The following FBXO27 variants were observed in gnomAD, a reference collection of about 807,000 sequenced individuals.
FBXO27 encodes the protein F-box protein 27.
In FBXO27, 28 loss-of-function variants were observed where a neutral mutation model predicts 28.3. That is an observed-to-expected ratio of 0.99 (90% confidence interval 0.73 to 1.36). The LOEUF (loss-of-function observed/expected upper bound fraction) is 1.36, where lower values mean the gene tolerates loss of function less well. Among genes scored for constraint, FBXO27 ranks in the 40% most tolerant of loss-of-function variants. The pLI is 0.00. For missense variants in FBXO27, 388 were observed against 394.1 expected, an observed-to-expected ratio of 0.98 and a Z score of 0.13; for synonymous variants, 175 against 167.3, an observed-to-expected ratio of 1.05 and a Z score of -0.36.
chr19:39,025,852 T>C (rs1341913271), intron 5 of FBXO27, among the ~76,000 whole-genome samples: 1 of 151,958 alleles, frequency 6.6e-6, no homozygotes, highest in African/African-American at 2.4e-5. Flanking sequence ...CTGTCTCTAC[T>C]AAAAATACAA....
intron 4 of FBXO27, chr19:39,030,739 A>C: frequency 2.4e-6 from 1 of 421,186 alleles, no homozygotes; most frequent in Non-Finnish European, 4.4e-6. Context: ...AGTATGTGGG[A>C]CTACAGGTGT....
intron 2 of FBXO27, among the ~76,000 whole-genome samples, chr19:39,008,403 CT>C (rs201539158): frequency 0.02 from 3,055 of 152,226 alleles, 95 homozygotes; most frequent in African/African-American, 0.069. Flanking sequence ...CAAGCATGTG[CT>C]AATGTAACCG....
Position 39,032,203 on chromosome 19 carries a change from G to A in FBXO27, c.25C>T (p.Arg9Trp). The A allele has an allele frequency of 6.8e-7, 1 of 1,468,030 alleles. No individual in the cohort carries two copies. Among genetic ancestry groups the A allele is most frequent in the Non-Finnish European group, 9.0e-7 (1 of 1,115,054 alleles). 90.9% of individuals were successfully genotyped at this position (1,468,030 alleles called of 1,614,324 possible). A position where few individuals can be genotyped will look rare whatever the true frequency, so the allele number is the denominator to read the frequency against. MGASVSRGRAARVPAPEPE... is the reference protein window; with the variant it reads MGASVSRGWAARVPAPEPE... ...TCCGGCGCGGGGACCCGGGCGGCCCGGCCCCTGGAGACCGAGGCGCCCATG... is the reference window on the plus strand; with the variant it reads ...TCCGGCGCGGGGACCCGGGCGGCCCAGCCCCTGGAGACCGAGGCGCCCATG... The change falls in exon 2 of 6, where the codon CGG (arginine) becomes TGG (tryptophan). Residue 9 changes from arginine (R) to tryptophan (W), a missense_variant. Arg to Trp is a moderately radical substitution (Grantham distance 101). Transcript: ENST00000292853. This position sits in a 1 kb window ranked among gnomAD's most constrained non-coding sequence, Gnocchi z 4.7.
chr19:39,013,206 G>T lies in FBXO27; in HGVS notation c.252+1181C>A, dbSNP rs976241645. Among the ~76,000 whole-genome samples the T allele has an allele frequency of 3.3e-5, 5 of 152,126 alleles. No homozygotes were observed. The South Asian group carries it at 1.0e-3, about 31-fold the overall frequency. ...TTGCAACCTACAACTAATCCAGAAA[G>T]TTGAGCACAAGGCAACAGAAATGAG... On this transcript the variant is annotated intron_variant, in intron 2 of 2. Coordinates refer to the FBXO27 transcript ENST00000598394.
chr19:39,030,658 G>T, intron 4 of FBXO27: 6 of 203,294 alleles, frequency 3.0e-5, no homozygotes, highest in South Asian at 2.0e-4. Flanking sequence ...TCACTCTGTC[G>T]TCCAGGCTGG....
chr19:39,014,733 A>AC (rs76910630), intron 1 of FBXO27, among the ~76,000 whole-genome samples: 43,478 of 149,918 alleles, frequency 0.29, 6,891 homozygotes, highest in South Asian at 0.48. Context: ...CTAAAAACAA[A>AC]AAAACAAACA....
At chr19:39,006,330 G>A (rs1414612490) in intron 2 of FBXO27, among the ~76,000 whole-genome samples, 1 of 152,100 alleles carries the variant, frequency 6.6e-6, no homozygotes, top group Non-Finnish European at 1.5e-5. Context: ...GGCCAAGGTA[G>A]GTGGATCACC....
Position 39,027,753 on chromosome 19 carries a change from A to C in FBXO27, c.573-748T>G, listed in dbSNP as rs139089321. On this transcript the variant is annotated intron_variant, in intron 4 of 5. Coordinates refer to ENST00000292853, the MANE Select transcript of FBXO27 (RefSeq NM_178820.5). The stretch of plus-strand genomic sequence containing the variant: ...GGTCTTGAACTCCTGGACTCAGGCG[A>C]TCTTCCTGCCTCCGCCTCCCAAAGT... 8.7e-4 allele frequency among the ~76,000 whole-genome samples: 133 copies of C among 152,066 alleles called. 6 individuals are homozygous for C. In the East Asian group the frequency reaches 0.015, roughly 17 times the overall value.
At chr19:39,017,566 G>A (rs1282770386) in intron 1 of FBXO27, among the ~76,000 whole-genome samples, 2 of 151,392 alleles carry the variant, frequency 1.3e-5, no homozygotes, top group Non-Finnish European at 2.9e-5. Context: ...ATGGTGGCAC[G>A]TGCCTGTAAT....
chr19:39,026,888 G>A lies in FBXO27; in HGVS notation c.690C>T (p.Asn230=). The part of the protein sequence containing the change: ...SAVPDPIPQW[N]NNACLHVTHV... Reference sequence around the variant, plus strand: ...GACTCACGTGAAGGCAGGCATTGTTGTTCCACTGCGGGATGGGATCAGGCA... The same window carrying A: ...GACTCACGTGAAGGCAGGCATTGTTATTCCACTGCGGGATGGGATCAGGCA... The change falls in exon 5 of 6, where the codon AAC becomes AAT. Residue 230 remains asparagine, a synonymous_variant. Transcript: ENST00000292853. 6.2e-7 allele frequency: 1 copy of A among 1,614,202 alleles called. No individual in the cohort carries two copies. The highest frequency in any genetic ancestry group is 8.5e-7 in the Non-Finnish European group (1 of 1,180,048).
downstream of FBXO27, among the ~76,000 whole-genome samples, chr19:39,023,806 G>C (rs1188449891): frequency 2.6e-5 from 4 of 152,000 alleles, no homozygotes; most frequent in Non-Finnish European, 4.4e-5. Flanking sequence ...GTAGAGACAG[G>C]GTTTCACCAT....
intron 4 of FBXO27, among the ~76,000 whole-genome samples, chr19:39,028,911 A>G (rs2072887317): frequency 6.6e-6 from 1 of 151,862 alleles, no homozygotes; most frequent in Non-Finnish European, 1.5e-5. Flanking sequence ...ATTAGCCAGT[A>G]TGCACCTGTA....
chr19:39,025,695 T>C (rs1360796728), intron 5 of FBXO27, 141 bp from the exon 6 acceptor site: 4 of 1,163,982 alleles, frequency 3.4e-6, no homozygotes, highest in African/African-American at 3.1e-5. Flanking sequence ...TAGAATCTTA[T>C]AGAATCTTCC....
intron 2 of FBXO27, 75 bp downstream of exon 2, chr19:39,031,789 C>T: frequency 7.3e-7 from 1 of 1,372,910 alleles, no homozygotes; most frequent in Non-Finnish European, 9.3e-7. Context: ...GGTCCCAGTG[C>T]GGCCCCGCCC....
Position 39,026,999 on chromosome 19 carries a change from T to A in FBXO27, c.579A>T (p.Gly193=). ...RIEICVSDWW[G]ARHDSGCMYR... ...ACATACAGCCGCTGTCGTGTCGGGC[T>A]CCCCACCTGTGGGAGGAAGGAGCCA... is the stretch of plus-strand genomic sequence containing the variant. The change falls in exon 5 of 6, where the codon GGA becomes GGT. Residue 193 remains glycine, a synonymous_variant. Transcript: ENST00000292853. 5 of 1,614,076 alleles carry A rather than the reference T, an allele frequency of 3.1e-6. No individual in the cohort carries two copies. Among genetic ancestry groups the A allele is most frequent in the Non-Finnish European group, 4.2e-6 (5 of 1,180,006 alleles).
At chr19:39,011,703 G>A (rs906657775) in intron 2 of FBXO27, among the ~76,000 whole-genome samples, 1 of 147,212 alleles carries the variant, frequency 6.8e-6, no homozygotes, top group African/African-American at 2.5e-5. Flanking sequence ...CGGGGGAGGG[G>A]GGGTCTCCCT....
chr19:39,012,262 G>A (rs1222134899), intron 2 of FBXO27, among the ~76,000 whole-genome samples: 1 of 145,468 alleles, frequency 6.9e-6, no homozygotes, highest in Non-Finnish European at 1.5e-5. Flanking sequence ...TTTGCTTACC[G>A]CAACCTCAGC....
downstream of FBXO27, among the ~76,000 whole-genome samples, chr19:39,019,424 C>CAAAAAAAAAAAAAAAA (rs566451562): frequency 5.6e-5 from 2 of 35,450 alleles, no homozygotes; most frequent in Non-Finnish European, 5.0e-5. Flanking sequence ...GACTCTGTCT[C>CAAAAAAAAAAAAAAAA]AAAAAAAAAA....
chr19:39,032,248 C>G lies in FBXO27; in HGVS notation c.-21G>C. 7.0e-7 allele frequency: 1 copy of G among 1,425,814 alleles called. No homozygotes were observed. Among genetic ancestry groups the G allele is most frequent in the Non-Finnish European group, 9.1e-7 (1 of 1,098,334 alleles). 88.3% of individuals were successfully genotyped at this position (1,425,814 alleles called of 1,614,324 possible). On this transcript the variant is annotated 5_prime_UTR_variant, in exon 2 of 6. Coordinates refer to ENST00000292853, the MANE Select transcript of FBXO27 (RefSeq NM_178820.5). The surrounding 1 kb of genome is among the most constrained non-coding windows in gnomAD (Gnocchi z 4.7). ...CCCATGGTCCCCCCGCCAGGCCCGGCTGTGGCTGCGGGAGAGGAAGGGTCA... is the reference window on the plus strand; with the variant it reads ...CCCATGGTCCCCCCGCCAGGCCCGGGTGTGGCTGCGGGAGAGGAAGGGTCA...
Sources: allele counts gnomAD v4.1 joint callset (sites outside exome capture counted in the v4.1 genomes callset), GRCh38; gene constraint gnomAD v4.1.1; non-coding constraint Gnocchi (gnomAD v3.1); transcripts MANE v1.5; gene names NCBI Gene and HGNC (gene_info 2026-07-23, HGNC 2026-07-21).